BCL9L: variants seen among roughly 807,000 people sequenced by gnomAD.
BCL9L encodes BCL9 like.
In BCL9L, 19 loss-of-function variants were observed where a neutral mutation model predicts 99.4. The observed-to-expected ratio is 0.19, with a 90% CI of 0.13 to 0.28. BCL9L has a LOEUF of 0.28. Ranked by LOEUF, BCL9L falls within the 10% of genes least tolerant of loss-of-function variation. The pLI, the probability that BCL9L is intolerant of heterozygous loss-of-function variation, is 1.00. For missense variants in BCL9L, 2,023 were observed against 2,101.6 expected, an observed-to-expected ratio of 0.96 and a Z score of 0.73; for synonymous variants, 900 against 854.8, an observed-to-expected ratio of 1.05 and a Z score of -0.92.
At chr11:118,899,836 G>T in intron 9 of BCL9L, 81 bp downstream of exon 9, 3 of 1,497,650 alleles carry the variant, frequency 2.0e-6, no homozygotes, top group East Asian at 4.9e-5. Context: ...GCACAAAAAA[G>T]CCAGCACAAC....
chr11:118,898,313 A>AACC lies in BCL9L; in HGVS notation c.*101_*102insGGT. On this transcript the variant is annotated 3_prime_UTR_variant, in exon 10 of 10. Transcript: ENST00000683865. Reference sequence around the variant, plus strand: ...ACACAAGCCCCCTCCCACCCCCTCCACCCCACCCCGCGACCCAGGCCATCC... The same window carrying AACC: ...ACACAAGCCCCCTCCCACCCCCTCCAACCCCCCACCCCGCGACCCAGGCCATCC... 3.7e-6 allele frequency: 1 copy of AACC among 273,720 alleles called. No individual in the cohort carries two copies. Among genetic ancestry groups the AACC allele is most frequent in the Non-Finnish European group, 5.6e-6 (1 of 177,582 alleles). The allele number at this position is 273,720 out of a possible 1,614,324, so 17.0% of individuals were successfully genotyped here.
rs779004902 is a variant in BCL9L, at chr11:118,901,644, C to A, written c.2099G>T (p.Ser700Ile). Residue 700 changes from serine to isoleucine, a missense_variant, in exon 8 of 10, where the codon AGT becomes ATT. Physicochemically the swap from Ser to Ile is moderately radical, Grantham distance 142 (BLOSUM62 -2). Around this residue, in one of 3 missense-constraint regions of BCL9L, gnomAD observed 1,116 missense variants for 1,194.6 expected, o/e 0.93. Transcript: ENST00000683865. This position sits in a 1 kb window ranked among gnomAD's most constrained non-coding sequence, Gnocchi z 6.6. ...GMQRPLGMAG[S>I]GMGQSMEMER... is the part of the protein sequence containing the mutation. ...CATCTCCATGCTCTGTCCCATGCCA[C>A]TGCCTGCCATGCCCAGGGGGCGCTG... 5.6e-6 allele frequency: 9 copies of A among 1,613,888 alleles called. No individual in the cohort carries two copies. The East Asian group carries it at 1.8e-4, about 32-fold the overall frequency.
chr11:118,907,148 C>G (rs1940555299), intron 5 of BCL9L, among the ~76,000 whole-genome samples: 2 of 152,172 alleles, frequency 1.3e-5, no homozygotes, highest in Admixed American at 1.3e-4. Context: ...CTGCCCGGCT[C>G]CCAGTGTCCC....
At position 118,901,952 on chromosome 11, in the gene BCL9L, G is replaced by A. The variant is rs754599378; in HGVS notation, c.1791C>T (p.Pro597=). 9.3e-6 allele frequency: 15 copies of A among 1,613,040 alleles called. No homozygotes were observed. In the South Asian group the frequency reaches 1.6e-4, roughly 18 times the overall value. The change falls in exon 8 of 10, where the codon CCC becomes CCT. Residue 597 remains proline (P), a synonymous_variant. Transcript: ENST00000683865. This position sits in a 1 kb window ranked among gnomAD's most constrained non-coding sequence, Gnocchi z 6.6. ...QDPMQLRGGP[P]FPGPRFPGNQ... ...TGCCTGGGAAACGGGGCCCAGGAAA[G>A]GGAGGTCCGCCCCGGAGCTGCATGG...
chr11:118,899,940 G>C lies in BCL9L; in HGVS notation c.3383C>G (p.Pro1128Arg). ...LPDRPLLPPP[P>R]PPQGSGPGIS... The stretch of plus-strand genomic sequence containing the variant: ...ACCTGGCCCGGAGCCCTGCGGTGGT[G>C]GTGGGGGGGGCAGCAGGGGCCGGTC... Residue 1128 changes from proline (P) to arginine (R), a missense_variant, in exon 9 of 10, where the codon CCA becomes CGA. Pro to Arg is a moderately radical substitution (Grantham distance 103). Coordinates refer to ENST00000683865, the MANE Select transcript of BCL9L (RefSeq NM_001378213.1). 6.2e-7 allele frequency: 1 copy of C among 1,613,376 alleles called. No individual in the cohort carries two copies. The highest frequency in any genetic ancestry group is 8.5e-7 in the Non-Finnish European group (1 of 1,179,898).
rs754691556 is a variant in BCL9L at position 118,901,064 on chromosome 11, G to C, written c.2679C>G (p.Pro893=). The C allele has an allele frequency of 5.6e-6, 9 of 1,603,084 alleles. No homozygotes were observed. The highest frequency in any genetic ancestry group is 6.8e-6 in the Non-Finnish European group (8 of 1,174,090). ...CGGTCCCAGGAGGATTGGACGCAGG[G>C]GGCAGAGGCATGTGGCTGAGCCGGG... ...GTTRLSHMPL[P]PASNPPGTVH... Residue 893 remains proline (P), a synonymous_variant, in exon 8 of 10, where the codon CCC becomes CCG. Coordinates refer to ENST00000683865, the MANE Select transcript of BCL9L (RefSeq NM_001378213.1). The surrounding 1 kb of genome is among the most constrained non-coding windows in gnomAD (Gnocchi z 6.6).
At chr11:118,918,423 A>C (rs1592002172) in intron 2 of BCL9L, among the ~76,000 whole-genome samples, 1 of 151,692 alleles carries the variant, frequency 6.6e-6, no homozygotes, top group East Asian at 1.9e-4. Context: ...AGCGAGGAGG[A>C]GCAAGGACTT....
chr11:118,915,638 C>G lies in BCL9L; in HGVS notation c.-77+3188G>C, dbSNP rs1176933155. On this transcript the variant is annotated intron_variant, in intron 2 of 9. Coordinates refer to ENST00000683865, the MANE Select transcript of BCL9L (RefSeq NM_001378213.1). ...AGCCTCAGGACCATGTCTCAAAAGTCCAGGAGGCAAGTGAAGGGGGATTTC... is the reference window on the plus strand; with the variant it reads ...AGCCTCAGGACCATGTCTCAAAAGTGCAGGAGGCAAGTGAAGGGGGATTTC... Among the ~76,000 whole-genome samples, 8 of 152,192 alleles carry G rather than the reference C, an allele frequency of 5.3e-5. No individual in the cohort carries two copies. In the East Asian group the frequency reaches 1.5e-3, roughly 29 times the overall value.
chr11:118,920,471 T>C (rs146541591), intron 1 of BCL9L, among the ~76,000 whole-genome samples: 2,321 of 152,268 alleles, frequency 0.015, 32 homozygotes, highest in Middle Eastern at 0.061. Flanking sequence ...AATATGAGTG[T>C]CTTCTCTTGT....
chr11:118,919,878 G>A (rs1941093258), intron 1 of BCL9L, among the ~76,000 whole-genome samples: 1 of 152,192 alleles, frequency 6.6e-6, no homozygotes, highest in Non-Finnish European at 1.5e-5. Flanking sequence ...AAAGGTGTCT[G>A]CAGTGACGTG....
At chr11:118,908,172 G>A in intron 4 of BCL9L, 98 bp downstream of exon 4, 2 of 1,457,528 alleles carry the variant, frequency 1.4e-6, no homozygotes, top group South Asian at 2.9e-5. Flanking sequence ...CGTGGGATGA[G>A]GACTGGACAA....
Position 118,898,863 on chromosome 11 carries a change from T to C in BCL9L, c.4052A>G (p.Lys1351Arg). The change falls in exon 10 of 10, where the codon AAG becomes AGG. Residue 1351 changes from lysine (K) to arginine (R), a missense_variant. By Grantham distance (26) the Lys-to-Arg change is conservative. This residue lies in a region of BCL9L where 902 missense variants were observed against 888.2 expected (regional missense o/e 1.02). Transcript: ENST00000683865. Reference protein sequence around the residue: ...YFPKSENQPPKAQPPNLHLMN... With the variant: ...YFPKSENQPPRAQPPNLHLMN... Reference sequence around the variant, plus strand: ...GAGATGCAGATTAGGGGGCTGAGCCTTGGGGGGCTGGTTCTCGCTCTTGGG... The same window carrying C: ...GAGATGCAGATTAGGGGGCTGAGCCCTGGGGGGCTGGTTCTCGCTCTTGGG... The C allele has an allele frequency of 1.2e-6, 2 of 1,614,046 alleles. No individual in the cohort carries two copies. The highest frequency in any genetic ancestry group is 2.2e-5 in the East Asian group (1 of 44,878).
At chr11:118,905,576 G>C (rs376751711) in intron 5 of BCL9L, among the ~76,000 whole-genome samples, 51 of 149,596 alleles carry the variant, frequency 3.4e-4, no homozygotes, top group African/African-American at 1.2e-3. Flanking sequence ...CAGCACTTTG[G>C]GGGGCTGAGG....
chr11:118,899,260 C>T lies in BCL9L; in HGVS notation c.3655G>A (p.Val1219Met). Reference sequence around the variant, plus strand: ...GGCATCATCTGGGAGGAGCTGGGCACTGGGCCACAGGGGGCATTCAGGGAG... The same window carrying T: ...GGCATCATCTGGGAGGAGCTGGGCATTGGGCCACAGGGGGCATTCAGGGAG... ...PDSLNAPCGP[V>M]PSSSQMMPFP... is the part of the protein sequence containing the mutation. The change falls in exon 10 of 10, where the codon GTG becomes ATG. Residue 1219 changes from valine to methionine, a missense_variant. By Grantham distance (21) the Val-to-Met change is conservative (BLOSUM62 1). This residue lies in a region of BCL9L where 902 missense variants were observed against 888.2 expected (regional missense o/e 1.02). Coordinates refer to ENST00000683865, the MANE Select transcript of BCL9L (RefSeq NM_001378213.1). 6.6e-7 allele frequency: 1 copy of T among 1,525,278 alleles called. No homozygotes were observed. The highest frequency in any genetic ancestry group is 8.8e-7 in the Non-Finnish European group (1 of 1,137,608). The allele number at this position is 1,525,278 out of a possible 1,614,324, so 94.5% of individuals were successfully genotyped here.
At position 118,897,540 on chromosome 11, in the gene BCL9L, G is replaced by A. The variant is rs571607356; in HGVS notation, c.*875C>T. On this transcript the variant is annotated 3_prime_UTR_variant, in exon 10 of 10. Transcript: ENST00000683865. ...CTGCCGCCCTGGGGGTCTCAGCCCT[G>A]CTAGGGCTCACCAGGTGGAAGCCTA... 2.9e-6 allele frequency: 1 copy of A among 348,758 alleles called. No homozygotes were observed. The highest frequency in any genetic ancestry group is 2.2e-5 in the African/African-American group (1 of 46,386). The allele number at this position is 348,758 out of a possible 1,614,324, so 21.6% of individuals were successfully genotyped here.
intron 1 of BCL9L, among the ~76,000 whole-genome samples, chr11:118,924,914 A>C (rs959355571): frequency 2.0e-5 from 3 of 152,158 alleles, no homozygotes; most frequent in African/African-American, 7.2e-5. Context: ...GGGGGACTAC[A>C]TCTCCCAGAA....
At chr11:118,908,184 C>T in intron 4 of BCL9L, 86 bp downstream of exon 4, 2 of 1,485,196 alleles carry the variant, frequency 1.3e-6, no homozygotes, top group Non-Finnish European at 1.8e-6. Context: ...ACTGGACAAG[C>T]AGGGAGCAGA....
rs139914635 is a variant in BCL9L at position 118,898,550 on chromosome 11, C to T, written c.4365G>A (p.Pro1455=). The change falls in exon 10 of 10, where the codon CCG becomes CCA. Residue 1455 remains proline, a synonymous_variant. Coordinates refer to ENST00000683865, the MANE Select transcript of BCL9L (RefSeq NM_001378213.1). ...VYSQPPHMLS[P]QGSLMGPPPQ... is the part of the protein sequence containing the mutation. ...GCGGGGGGCCCATGAGGGAGCCCTG[C>T]GGGGAGAGCATGTGGGGCGGCTGGC... 2,507 of 1,605,508 alleles carry T rather than the reference C, an allele frequency of 1.6e-3. 34 individuals carry two copies. The African/African-American group carries it at 0.028, about 18-fold the overall frequency.
At position 118,896,214 on chromosome 11, in the gene BCL9L, G is replaced by A. The variant is rs1336110066; in HGVS notation, c.*2201C>T. On this transcript the variant is annotated 3_prime_UTR_variant, in exon 10 of 10. Coordinates refer to ENST00000683865, the MANE Select transcript of BCL9L (RefSeq NM_001378213.1). ...AGTACAGGCAGCACAGAGACCCCCG[G>A]AACAAGCCTAAAAATTGTTTCAAAA... The A allele has an allele frequency of 6.0e-6, 1 of 166,684 alleles. No individual in the cohort carries two copies. Among genetic ancestry groups the A allele is most frequent in the East Asian group, 1.9e-4 (1 of 5,208 alleles). The allele number at this position is 166,684 out of a possible 1,614,324, so 10.3% of individuals were successfully genotyped here.
Sources: allele counts gnomAD v4.1 joint callset (sites outside exome capture counted in the v4.1 genomes callset), GRCh38; gene constraint gnomAD v4.1.1; regional missense constraint gnomAD v4.1.1; non-coding constraint Gnocchi (gnomAD v3.1); transcripts MANE v1.5; gene names NCBI Gene and HGNC (gene_info 2026-07-23, HGNC 2026-07-21).